The following MXD3 variants were observed in gnomAD, a reference collection of about 807,000 sequenced individuals.
MXD3 encodes the protein Max-associated protein 3.
MXD3 carries 20 observed loss-of-function variants against 27.5 expected under a neutral mutation model. That is an observed-to-expected ratio of 0.73 (90% confidence interval 0.51 to 1.06). The LOEUF is 1.06. Among genes scored for constraint, MXD3 ranks in the 50% least tolerant of loss-of-function variants. The pLI is 0.00. For synonymous variants in MXD3, 150 were observed against 130.7 expected (o/e 1.15, Z -1.01); for missense variants, 298 against 291.3 (o/e 1.02, Z -0.17).
chr5:177,306,342 G>C (rs187617178), downstream of MXD3: 46 of 1,601,868 alleles, frequency 2.9e-5, no homozygotes, highest in South Asian at 4.8e-4. Flanking sequence ...TGGCCCAGAG[G>C]AGATTGGTGT....
intron 4 of MXD3, among the ~76,000 whole-genome samples, chr5:177,309,445 T>C (rs1760980531): frequency 6.6e-6 from 1 of 152,070 alleles, no homozygotes; most frequent in African/African-American, 2.4e-5. Context: ...GCACACATCA[T>C]CCATCCGAGA....
downstream of MXD3, chr5:177,307,108 G>T (rs1201871968): frequency 1.5e-5 from 23 of 1,500,192 alleles, no homozygotes; most frequent in Non-Finnish European, 1.9e-5. Flanking sequence ...TGCCTGGCAC[G>T]GCCAACAGTG....
downstream of MXD3, chr5:177,306,691 T>C (rs1349702585): frequency 2.1e-6 from 3 of 1,408,662 alleles, no homozygotes; most frequent in Non-Finnish European, 2.9e-6. Context: ...TGGTGGGTTG[T>C]GGGGATGCAG....
intron 1 of MXD3, 43 bp downstream of exon 1, chr5:177,311,718 A>G (rs1254959896): frequency 6.3e-7 from 1 of 1,594,544 alleles, no homozygotes; most frequent in Admixed American, 1.7e-5. Context: ...GGCCCGTGTC[A>G]GCGAGGTCGC....
At chr5:177,311,039 G>C (rs1761022010) in intron 2 of MXD3, 3 of 562,616 alleles carry the variant, frequency 5.3e-6, no homozygotes, top group African/African-American at 1.9e-5. Context: ...AAATAGGAGG[G>C]AACAGCATAT....
chr5:177,310,595 A>C, intron 3 of MXD3, 55 bp from the exon 4 acceptor site: 1 of 1,612,630 alleles, frequency 6.2e-7, no homozygotes, highest in Non-Finnish European at 8.5e-7. Context: ...GGCCACAGGA[A>C]TGGCAGGGGA....
At chr5:177,310,797 C>T (rs1284149286) in intron 2 of MXD3, 100 bp from the exon 3 acceptor site, 1 of 1,365,286 alleles carries the variant, frequency 7.3e-7, no homozygotes, top group Non-Finnish European at 1.0e-6. Flanking sequence ...AGATGTCTGC[C>T]CCAAACAAGT....
chr5:177,311,598 C>G, intron 1 of MXD3, 114 bp from the exon 2 acceptor site: 1 of 1,140,080 alleles, frequency 8.8e-7, no homozygotes, highest in Non-Finnish European at 1.2e-6. Context: ...ATTTCCCCCA[C>G]CCGTCCCTGC....
downstream of MXD3, chr5:177,305,612 T>C (rs931155235): frequency 6.1e-6 from 3 of 491,416 alleles, no homozygotes; most frequent in Non-Finnish European, 1.1e-5. Context: ...AGGAGCAGGA[T>C]GGGCTGGAAG....
upstream of MXD3, chr5:177,312,008 G>T (rs1761051780): frequency 1.6e-6 from 2 of 1,277,846 alleles, no homozygotes; most frequent in South Asian, 3.2e-5. Flanking sequence ...ACCCGCCACG[G>T]AGCCGCAGCC....
At chr5:177,305,856 T>C (rs1414150598), downstream of MXD3, 2 of 1,607,852 alleles carry the variant, frequency 1.2e-6, no homozygotes, top group South Asian at 2.2e-5. Context: ...ACGATTGTGG[T>C]TGGCCTCTGC....
At chr5:177,309,546 C>T (rs74922790) in intron 4 of MXD3, among the ~76,000 whole-genome samples, 3,984 of 152,322 alleles carry the variant, frequency 0.026, 182 homozygotes, top group African/African-American at 0.091. Context: ...AGACGCCGGG[C>T]GGCAGTGCAG....
upstream of MXD3, chr5:177,311,935 C>T: frequency 7.4e-7 from 1 of 1,360,264 alleles, no homozygotes. Flanking sequence ...ACACAGGGGC[C>T]CGCCCCGCCC....
chr5:177,311,688 TG>T (rs1268711395), intron 1 of MXD3, 72 bp downstream of exon 1: 68 of 1,491,034 alleles, frequency 4.6e-5, no homozygotes, highest in Admixed American at 1.0e-4. Flanking sequence ...TCCTTCAAGC[TG>T]GGAGCCAGGT....
rs1372922868 is a variant in MXD3, at chr5:177,311,436, G to C, written c.119C>G (p.Pro40Arg). 1 of 1,432,124 alleles carries C rather than the reference G, an allele frequency of 7.0e-7. No individual in the cohort carries two copies. The highest frequency in any genetic ancestry group is 9.1e-7 in the Non-Finnish European group (1 of 1,096,412). The allele number at this position is 1,432,124 out of a possible 1,614,324, so 88.7% of individuals were successfully genotyped here. Residue 40 changes from proline (P) to arginine (R), a missense_variant, in exon 2 of 6, where the codon CCC becomes CGC. By Grantham distance (103) the Pro-to-Arg change is moderately radical. Transcript: ENST00000439742. ...GGGTCGCTTCTTCCTCCTGTGGATG[G>C]GGCCTGGACTGCGATGCGGGCACAG... is the stretch of plus-strand genomic sequence containing the variant. Reference protein sequence around the residue: ...ASLCPHRSPGPIHRRKKRPPQ... With the variant: ...ASLCPHRSPGRIHRRKKRPPQ...
chr5:177,311,984 T>C (rs1024327020), upstream of MXD3: 16 of 1,301,534 alleles, frequency 1.2e-5, no homozygotes, highest in Non-Finnish European at 1.5e-5. Flanking sequence ...AGCCCTTGGC[T>C]CCGCCCCTCT....
intron 4 of MXD3, 23 bp from the exon 5 acceptor site, chr5:177,307,987 G>T: frequency 1.3e-6 from 2 of 1,504,314 alleles, no homozygotes; most frequent in Non-Finnish European, 1.8e-6. Context: ...AAGGAGCAAG[G>T]GGCTGGGGTC....
intron 4 of MXD3, among the ~76,000 whole-genome samples, chr5:177,308,958 C>T (rs919229607): frequency 3.3e-5 from 5 of 152,180 alleles, no homozygotes; most frequent in African/African-American, 7.2e-5. Context: ...AGCTTACATT[C>T]GGTCATTCAA....
At chr5:177,308,021 AC>A (rs1212380226) in intron 4 of MXD3, 57 bp from the exon 5 acceptor site, 1 of 1,425,508 alleles carries the variant, frequency 7.0e-7, no homozygotes, top group African/African-American at 1.4e-5. Flanking sequence ...CTTGGGCTGC[AC>A]CCCAGCACCA....
Sources: allele counts gnomAD v4.1 joint callset (sites outside exome capture counted in the v4.1 genomes callset), GRCh38; gene constraint gnomAD v4.1.1; transcripts MANE v1.5; gene names NCBI Gene and HGNC (gene_info 2026-07-23, HGNC 2026-07-21).